Variants in FAT2 observed in about 807,000 individuals in gnomAD.
FAT2 encodes the protein FAT atypical cadherin 2.
In FAT2, 150 loss-of-function variants were observed where a neutral mutation model predicts 295.3. The ratio of observed to expected loss-of-function variants is 0.51; its 90% confidence interval spans 0.44 to 0.58. FAT2 has a LOEUF of 0.58. FAT2 is among the 20% of genes least tolerant of loss of function. FAT2 has a pLI of 0.00. For missense variants in FAT2, 4,868 were observed against 5,442.7 expected, an observed-to-expected ratio of 0.89 and a Z score of 3.32; for synonymous variants, 2,026 against 2,150.3, an observed-to-expected ratio of 0.94 and a Z score of 1.60.
chr5:151,554,535 CA>C lies in FAT2; in HGVS notation c.3771del (p.Val1258CysfsTer57), dbSNP rs1285963616. ...AGCCTGTACACAGGCCCAGGGGACA[CA>C]GGGCTCAGCCTCTCTGGAAGGCGGA... ...FNVRLPERLS[P>X]VSPGPVYRLV... On this transcript the variant is annotated frameshift_variant, in exon 5 of 24. Transcript: ENST00000261800. LOFTEE classifies it high-confidence loss of function. The C allele has an allele frequency of 6.2e-7, 1 of 1,614,112 alleles. No homozygotes were observed. Among genetic ancestry groups the C allele is most frequent in the African/African-American group, 1.3e-5 (1 of 74,940 alleles).
intron 12 of FAT2, among the ~76,000 whole-genome samples, chr5:151,534,970 A>AATATATCTATATATAT (rs1554127246): frequency 5.6e-5 from 6 of 106,390 alleles, no homozygotes; most frequent in African/African-American, 1.8e-4. Flanking sequence ...CTTCTAGGAA[A>AATATATCTATATATAT]ATATATATAT....
At position 151,567,573 on chromosome 5, in the gene FAT2, G is replaced by T. The variant is rs1444229936; in HGVS notation, c.1359C>A (p.Asn453Lys). 1 of 1,614,166 alleles carries T rather than the reference G, an allele frequency of 6.2e-7. No homozygotes were observed. Among genetic ancestry groups the T allele is most frequent in the Admixed American group, 1.7e-5 (1 of 60,016 alleles). The change falls in exon 2 of 24, where the codon AAC becomes AAA. Residue 453 changes from asparagine (N) to lysine (K), a missense_variant. By Grantham distance (94) the Asn-to-Lys change is moderately conservative. Transcript: ENST00000261800. ...AAGACCTGTTGAAGAGGGGGGCATG[G>T]TTGTTGCAGTCCACAATGTCAATGA... ...VVVIDIVDCN[N>K]HAPLFNRSSY...
At chr5:151,547,717 A>G (rs1756776068) in intron 9 of FAT2, among the ~76,000 whole-genome samples, 1 of 152,332 alleles carries the variant, frequency 6.6e-6, no homozygotes, top group South Asian at 2.1e-4. Flanking sequence ...AACAACCTAC[A>G]TGTGATTCCG....
chr5:151,549,521 G>GGGT lies in FAT2; in HGVS notation c.4579-19_4579-17dup. On this transcript the variant is annotated splice_polypyrimidine_tract_variant and intron_variant, in intron 8 of 23. Coordinates refer to ENST00000261800, the MANE Select transcript of FAT2 (RefSeq NM_001447.3). ...GGTCTCGGACCTATGGGCCCAAAGG[G>GGGT]GGTAATTGGGTAAGCAGCAAATGGA... The GGGT allele has an allele frequency of 3.1e-6, 5 of 1,610,606 alleles. No homozygotes were observed. The highest frequency in any genetic ancestry group is 3.4e-6 in the Non-Finnish European group (4 of 1,176,992).
At chr5:151,559,955 G>C (rs1380628750) in intron 3 of FAT2, among the ~76,000 whole-genome samples, 3 of 152,104 alleles carry the variant, frequency 2.0e-5, no homozygotes, top group Non-Finnish European at 4.4e-5. Flanking sequence ...ATGAGGTGGC[G>C]CTCAGTGGAC....
chr5:151,505,630 G>A lies in FAT2; in HGVS notation c.12985C>T (p.Pro4329Ser). ...LAGQGQPRVP[P>S]NYEGSDMVES... ...ACCATGTCAGAGCCCTCATAGTTGGGGGGCACCCGGGGCTGGCCCTGGCCT... is the reference window on the plus strand; with the variant it reads ...ACCATGTCAGAGCCCTCATAGTTGGAGGGCACCCGGGGCTGGCCCTGGCCT... The change falls in exon 24 of 24, where the codon CCC becomes TCC. Residue 4329 changes from proline (P) to serine (S), a missense_variant. Pro to Ser is a moderately conservative substitution (Grantham distance 74). Coordinates refer to ENST00000261800, the MANE Select transcript of FAT2 (RefSeq NM_001447.3). 1 of 1,614,126 alleles carries A rather than the reference G, an allele frequency of 6.2e-7. No homozygotes were observed. The highest frequency in any genetic ancestry group is 1.1e-5 in the South Asian group (1 of 91,086).
At chr5:151,582,140 CGA>C (rs957265290) in intron 1 of FAT2, among the ~76,000 whole-genome samples, 26 of 152,178 alleles carry the variant, frequency 1.7e-4, no homozygotes, top group East Asian at 5.8e-4. Flanking sequence ...AGCCAAGGCA[CGA>C]GAGAGGTCAG....
intron 1 of FAT2, among the ~76,000 whole-genome samples, chr5:151,569,755 TG>T (rs915693037): frequency 6.6e-6 from 1 of 152,270 alleles, no homozygotes. Context: ...TTTAGCTATC[TG>T]GTTCTAAACT....
chr5:151,518,102 G>A (rs987100697), intron 19 of FAT2, among the ~76,000 whole-genome samples: 3 of 152,058 alleles, frequency 2.0e-5, no homozygotes, highest in African/African-American at 4.8e-5. Flanking sequence ...AGGCTGTGGC[G>A]GGAGGATCAC....
chr5:151,558,597 GC>G (rs1273047708), intron 3 of FAT2, among the ~76,000 whole-genome samples: 1 of 151,650 alleles, frequency 6.6e-6, no homozygotes, highest in Non-Finnish European at 1.5e-5. Flanking sequence ...GGGCAACAGA[GC>G]GAGACTCCTT....
At chr5:151,576,657 A>G (rs373850807) in intron 1 of FAT2, among the ~76,000 whole-genome samples, 31 of 152,382 alleles carry the variant, frequency 2.0e-4, no homozygotes, top group African/African-American at 6.5e-4. Context: ...ATGGGAATAC[A>G]TTCTGAGAAA....
At position 151,529,281 on chromosome 5, in the gene FAT2, A is replaced by G; in HGVS notation, c.9923T>C (p.Met3308Thr). The G allele has an allele frequency of 1.9e-6, 3 of 1,614,048 alleles. No individual in the cohort carries two copies. The highest frequency in any genetic ancestry group is 1.1e-5 in the South Asian group (1 of 91,074). The change falls in exon 15 of 24, where the codon ATG becomes ACG. Residue 3308 changes from methionine (M) to threonine (T), a missense_variant. This residue lies in a region of FAT2 where 1,046 missense variants were observed against 1,210.1 expected (regional missense o/e 0.86). Coordinates refer to ENST00000261800, the MANE Select transcript of FAT2 (RefSeq NM_001447.3). ...SSSLSDVTTV[M>T]VNITDVNEHR... ...TTCATTGACATCAGTGATGTTGACCATGACTGTGGTCACGTCACTGAGGGA... is the reference window on the plus strand; with the variant it reads ...TTCATTGACATCAGTGATGTTGACCGTGACTGTGGTCACGTCACTGAGGGA...
At chr5:151,551,754 G>A in intron 6 of FAT2, 148 bp from the exon 7 acceptor site, 3 of 656,662 alleles carry the variant, frequency 4.6e-6, no homozygotes, top group Non-Finnish European at 4.8e-6. Context: ...TATTCTCCCA[G>A]GGAGTCCCAA....
intron 4 of FAT2, 116 bp downstream of exon 4, chr5:151,556,228 A>G (rs750199202): frequency 2.0e-4 from 164 of 822,440 alleles, no homozygotes; most frequent in Non-Finnish European, 3.3e-4. Flanking sequence ...CAGCTCACGT[A>G]TATCTTCCTC....
In FAT2 at chr5:151,543,135, T is replaced by C; in HGVS notation, c.7992A>G (p.Gln2664=). ...AGTTCCAGTGAGGAGGGCCTCCATC[T>C]TGGGCTTTGATGAAGAAGTCAAGGG... ...NQTLDFFIKA[Q]DGGPPHWNSL... is the part of the protein sequence containing the mutation. Residue 2664 remains glutamine (Q), a synonymous_variant, in exon 10 of 24, where the codon CAA becomes CAG. Coordinates refer to ENST00000261800, the MANE Select transcript of FAT2 (RefSeq NM_001447.3). The C allele has an allele frequency of 1.2e-6, 2 of 1,614,206 alleles. No homozygotes were observed. The highest frequency in any genetic ancestry group is 8.5e-7 in the Non-Finnish European group (1 of 1,180,036).
rs1286169966 is a variant in FAT2 at position 151,546,156 on chromosome 5, G to A, written c.4971C>T (p.Ala1657=). ...AGTACTCAGATTTTGAAAAGATGGG[G>A]GCACTCCTATCTGAGGGATAGACAT... ...IIHVYPSDRS[A]PIFSKSEYFV... Residue 1657 remains alanine (A), a synonymous_variant, in exon 10 of 24, where the codon GCC becomes GCT. Transcript: ENST00000261800. 6.2e-7 allele frequency: 1 copy of A among 1,613,942 alleles called. No homozygotes were observed. The highest frequency in any genetic ancestry group is 1.3e-5 in the African/African-American group (1 of 74,894).
chr5:151,561,871 T>A (rs1294599314), intron 3 of FAT2, among the ~76,000 whole-genome samples: 1 of 152,374 alleles, frequency 6.6e-6, no homozygotes, highest in South Asian at 2.1e-4. Context: ...GCTAAGAACA[T>A]CTCTGCCCTC....
chr5:151,565,000 G>A (rs6883760), intron 2 of FAT2, among the ~76,000 whole-genome samples: 5,284 of 152,180 alleles, frequency 0.035, 200 homozygotes, highest in African/African-American at 0.096. Flanking sequence ...GCTTGAACTC[G>A]GGGGACGGAG....
rs145740163 is a variant in FAT2 at position 151,521,573 on chromosome 5, C to A, written c.11020G>T (p.Ala3674Ser). Residue 3674 changes from alanine (A) to serine (S), a missense_variant, in exon 19 of 24, where the codon GCA (alanine) becomes TCA (serine). Around this residue, in one of 5 missense-constraint regions of FAT2, gnomAD observed 1,046 missense variants for 1,210.1 expected, o/e 0.86. Transcript: ENST00000261800. ...ACATCCACACCAGCCACGGCCTCTG[C>A]AGGCTGGAGGCTGGCCAAGTGAATG... Reference protein sequence around the residue: ...ANIHLASLQPAEAVAGVDVLL... With the variant: ...ANIHLASLQPSEAVAGVDVLL... 1 of 1,614,072 alleles carries A rather than the reference C, an allele frequency of 6.2e-7. No individual in the cohort carries two copies.
Sources: gnomAD v4.1 joint callset for allele counts (sites outside exome capture counted in the v4.1 genomes callset) on GRCh38, gnomAD v4.1.1 for gene constraint, gnomAD v4.1.1 regional missense constraint, MANE v1.5 for transcripts, NCBI Gene and HGNC (gene_info 2026-07-23, HGNC 2026-07-21) for gene names.